The following XRCC5 variants were observed in gnomAD, a reference collection of about 807,000 sequenced individuals.
XRCC5 encodes the protein X-ray repair cross complementing 5, also known as DNA repair protein Ku80.
A neutral mutation model predicts 95.7 loss-of-function variants in XRCC5; 12 were observed. The ratio of observed to expected loss-of-function variants is 0.13; its 90% CI spans 0.08 to 0.20. The LOEUF is 0.20. XRCC5 is among the 10% of genes least tolerant of loss of function. XRCC5 has a pLI of 1.00. For missense variants in XRCC5, 595 were observed against 873.9 expected, an observed-to-expected ratio of 0.68 and a Z score of 4.02; for synonymous variants, 281 against 290.3, an observed-to-expected ratio of 0.97 and a Z score of 0.33.
chr2:216,178,515 G>A (rs1057238671), intron 16 of XRCC5, among the ~76,000 whole-genome samples: 6 of 152,264 alleles, frequency 3.9e-5, no homozygotes, highest in Non-Finnish European at 8.8e-5. Flanking sequence ...TCCATTCCCA[G>A]TGGCATCAAG....
rs112178335 is a variant in XRCC5, at chr2:216,180,812, C to CTT, written c.1835-9399_1835-9398dup. 6.4e-5 allele frequency among the ~76,000 whole-genome samples: 9 copies of CTT among 140,710 alleles called. No homozygotes were observed. The East Asian group carries it at 1.0e-3, about 16-fold the overall frequency. 92.3% of individuals were successfully genotyped at this position (140,710 alleles called of 152,430 possible). A position where few individuals can be genotyped will look rare whatever the true frequency, so the allele number is the denominator to read the frequency against. ...AACTGTTGTTTTGCCCCTTGAGTAT[C>CTT]TTTTTTTTTTTTTTTCCGAGATGGA... On this transcript the variant is annotated intron_variant, in intron 16 of 20. Coordinates refer to ENST00000392132, the MANE Select transcript of XRCC5 (RefSeq NM_021141.4).
At chr2:216,138,056 G>GTT in intron 11 of XRCC5, 33 bp from the exon 12 acceptor site, 2 of 1,523,958 alleles carry the variant, frequency 1.3e-6, no homozygotes, top group Non-Finnish European at 9.0e-7. Context: ...TAATTTCATC[G>GTT]TTTCTGCTTT....
Position 216,141,253 on chromosome 2 carries a change from A to G in XRCC5, c.1410A>G (p.Thr470=), listed in dbSNP as rs1366168991. ...GCTTGGCAAAGAAAGATGAGAAGAC[A>G]GACACCCTTGAAGACTTGTTTCCAA... ...SMSLAKKDEK[T]DTLEDLFPTT... The change falls in exon 13 of 21, where the codon ACA becomes ACG. Residue 470 remains threonine, a synonymous_variant. Coordinates refer to ENST00000392132, the MANE Select transcript of XRCC5 (RefSeq NM_021141.4). The G allele has an allele frequency of 1.2e-6, 2 of 1,614,202 alleles. No individual in the cohort carries two copies. The highest frequency in any genetic ancestry group is 1.7e-6 in the Non-Finnish European group (2 of 1,180,016).
At chr2:216,118,176 GTT>G (rs796937806) in intron 4 of XRCC5, among the ~76,000 whole-genome samples, 1 of 140,622 alleles carries the variant, frequency 7.1e-6, no homozygotes. Flanking sequence ...GTTTTTTGTT[GTT>G]TTTTTTTTTT....
chr2:216,135,688 A>G (rs568288145), intron 10 of XRCC5, among the ~76,000 whole-genome samples: 1 of 152,058 alleles, frequency 6.6e-6, no homozygotes, highest in East Asian at 1.9e-4. Flanking sequence ...AATTCCAGCT[A>G]CTCGGGAGGC....
chr2:216,124,096 A>G (rs975134086), intron 6 of XRCC5, among the ~76,000 whole-genome samples: 11 of 152,204 alleles, frequency 7.2e-5, no homozygotes, highest in African/African-American at 1.7e-4. Context: ...TGAAGTGTCT[A>G]TTGGGCTAGC....
rs561019730 is a variant in XRCC5 at position 216,180,855 on chromosome 2, C to T, written c.1835-9370C>T. Among the ~76,000 whole-genome samples the T allele has an allele frequency of 1.7e-4, 26 of 150,568 alleles. No individual in the cohort carries two copies. The South Asian group carries it at 4.7e-3, about 27-fold the overall frequency. On this transcript the variant is annotated intron_variant, in intron 16 of 20. Coordinates refer to ENST00000392132, the MANE Select transcript of XRCC5 (RefSeq NM_021141.4). ...GAGATGGAGTTTCGCTGTCGTTGCCCGGGCTGGAGTGCAATGGCGCGATCT... is the reference window on the plus strand; with the variant it reads ...GAGATGGAGTTTCGCTGTCGTTGCCTGGGCTGGAGTGCAATGGCGCGATCT...
At chr2:216,109,756 C>T (rs540245369) in intron 1 of XRCC5, among the ~76,000 whole-genome samples, 178 of 151,938 alleles carry the variant, frequency 1.2e-3, no homozygotes, top group Middle Eastern at 3.4e-3. Context: ...CACCCGCCTC[C>T]CCTCTCTCTC....
At chr2:216,152,151 T>C (rs1367014146) in intron 14 of XRCC5, among the ~76,000 whole-genome samples, 1 of 152,160 alleles carries the variant, frequency 6.6e-6, no homozygotes, top group Non-Finnish European at 1.5e-5. Flanking sequence ...AAAATGAGAT[T>C]TGGGGCTCGG....
chr2:216,141,160 T>G, intron 12 of XRCC5, 26 bp from the exon 13 acceptor site: 1 of 1,609,498 alleles, frequency 6.2e-7, no homozygotes, highest in Non-Finnish European at 8.5e-7. Flanking sequence ...GAAATAATCA[T>G]TTTTCTTTCG....
rs373933753 is a variant in XRCC5, at chr2:216,176,526, A to G, written c.1835-13699A>G. 3.7e-4 allele frequency among the ~76,000 whole-genome samples: 57 copies of G among 152,322 alleles called. 1 individual carries two copies. The South Asian group carries it at 0.01, about 28-fold the overall frequency. ...TCCTTTTGTCTAATTTTTTAGTATA[A>G]CATTGATTATTATTCCCTTATAATA... On this transcript the variant is annotated intron_variant, in intron 16 of 20. Coordinates refer to ENST00000392132, the MANE Select transcript of XRCC5 (RefSeq NM_021141.4).
At chr2:216,169,691 A>G (rs1689119055) in intron 16 of XRCC5, among the ~76,000 whole-genome samples, 1 of 152,022 alleles carries the variant, frequency 6.6e-6, no homozygotes. Context: ...CAGTCTTATG[A>G]TACCTATTTT....
intron 14 of XRCC5, among the ~76,000 whole-genome samples, chr2:216,158,468 G>C (rs1421005117): frequency 6.6e-6 from 1 of 152,164 alleles, no homozygotes; most frequent in Non-Finnish European, 1.5e-5. Context: ...CTCTTGGGAA[G>C]AACTGGCAAA....
intron 16 of XRCC5, among the ~76,000 whole-genome samples, chr2:216,181,188 T>G (rs1156861885): frequency 7.9e-5 from 12 of 152,182 alleles, no homozygotes; most frequent in Non-Finnish European, 1.6e-4. Context: ...TCTAATTTAC[T>G]TCTCAGGTCT....
In XRCC5 at chr2:216,127,614, A is replaced by T; in HGVS notation, c.877A>T (p.Thr293Ser). 1.2e-6 allele frequency: 2 copies of T among 1,612,586 alleles called. No individual in the cohort carries two copies. Among genetic ancestry groups the T allele is most frequent in the Non-Finnish European group, 1.7e-6 (2 of 1,179,506 alleles). ...TLKKEDIQKE[T>S]VYCLNDDDET... Reference sequence around the variant, plus strand: ...AAAAAAAGAAGATATACAAAAAGAAACAGTTTATTGCTTAAATGATGATGA... The same window carrying T: ...AAAAAAAGAAGATATACAAAAAGAATCAGTTTATTGCTTAAATGATGATGA... Residue 293 changes from threonine to serine, a missense_variant, in exon 8 of 21, where the codon ACA becomes TCA. Coordinates refer to ENST00000392132, the MANE Select transcript of XRCC5 (RefSeq NM_021141.4).
chr2:216,158,196 T>C lies in XRCC5; in HGVS notation c.1671-1872T>C, dbSNP rs1688883022. Among the ~76,000 whole-genome samples the C allele has an allele frequency of 9.8e-5, 15 of 152,360 alleles. 2 individuals carry two copies. The South Asian group carries it at 2.7e-3, about 27-fold the overall frequency. On this transcript the variant is annotated intron_variant, in intron 14 of 20. Transcript: ENST00000392132. ...TATGTGTAATCCTTCTTAATACTAC[T>C]ATATAAGCTAATCTGTATTTGTGGA...
intron 18 of XRCC5, among the ~76,000 whole-genome samples, 191 bp downstream of exon 18, chr2:216,192,926 A>C (rs916725005): frequency 1.3e-5 from 2 of 152,214 alleles, no homozygotes; most frequent in African/African-American, 2.4e-5. Flanking sequence ...CTTAATAAGC[A>C]TAAATACAGA....
intron 13 of XRCC5, among the ~76,000 whole-genome samples, chr2:216,144,657 A>G (rs1446667427): frequency 6.6e-6 from 1 of 152,230 alleles, no homozygotes; most frequent in East Asian, 1.9e-4. Flanking sequence ...TATTTTCACA[A>G]GTGTTAAATT....
intron 16 of XRCC5, among the ~76,000 whole-genome samples, chr2:216,163,862 G>A (rs1689000772): frequency 6.6e-6 from 1 of 152,226 alleles, no homozygotes. Context: ...AGTCTCTTAA[G>A]TGGGGTGTAT....
Sources: gnomAD v4.1 joint callset for allele counts (sites outside exome capture counted in the v4.1 genomes callset) on GRCh38, gnomAD v4.1.1 for gene constraint, MANE v1.5 for transcripts, NCBI Gene and HGNC (gene_info 2026-07-23, HGNC 2026-07-21) for gene names.